PRKCA: variants seen among roughly 807,000 people sequenced by gnomAD.
PRKCA encodes the protein protein kinase C alpha type.
In PRKCA, 27 loss-of-function variants were observed where a neutral mutation model predicts 87.0. That is an observed-to-expected ratio of 0.31 (90% CI 0.23 to 0.43). PRKCA has a LOEUF of 0.43. Ranked by LOEUF, PRKCA falls within the 20% of genes least tolerant of loss-of-function variation. The probability of loss-of-function intolerance (pLI) is 1.00; values close to 1 mark genes in which losing one functional copy is unlikely to be tolerated. For synonymous variants in PRKCA, 329 were observed against 311.1 expected (o/e 1.06, Z -0.61); for missense variants, 518 against 852.3 (o/e 0.61, Z 4.88).
intron 5 of PRKCA, among the ~76,000 whole-genome samples, chr17:66,660,552 C>T (rs1005042929): frequency 6.6e-6 from 1 of 152,014 alleles, no homozygotes; most frequent in African/African-American, 2.4e-5. Context: ...ATAAAAACCA[C>T]GGCTCAGGGA....
chr17:66,459,206 C>CAA (rs35784459), intron 2 of PRKCA, among the ~76,000 whole-genome samples: 1,950 of 129,592 alleles, frequency 0.015, 20 homozygotes, highest in Non-Finnish European at 0.018. Flanking sequence ...ATCCCTGTCT[C>CAA]AAAAAAAAAA....
intron 3 of PRKCA, among the ~76,000 whole-genome samples, chr17:66,590,838 A>C (rs1969781505): frequency 6.6e-6 from 1 of 152,126 alleles, no homozygotes; most frequent in Non-Finnish European, 1.5e-5. Flanking sequence ...CAACGGAGCA[A>C]GACTCCGTCT....
intron 2 of PRKCA, among the ~76,000 whole-genome samples, chr17:66,488,838 T>A (rs188667485): frequency 3.9e-5 from 6 of 152,336 alleles, no homozygotes; most frequent in Admixed American, 2.6e-4. Flanking sequence ...TTTGTTTTCA[T>A]ACAACTTTTA....
chr17:66,642,152 C>T (rs974192726), intron 4 of PRKCA, among the ~76,000 whole-genome samples: 8 of 150,856 alleles, frequency 5.3e-5, no homozygotes, highest in Admixed American at 2.6e-4. Context: ...TTTTTGGAGA[C>T]GGAGTCTCAC....
chr17:66,429,144 A>G (rs1385979583), intron 2 of PRKCA, among the ~76,000 whole-genome samples: 1 of 152,112 alleles, frequency 6.6e-6, no homozygotes, highest in East Asian at 1.9e-4. Context: ...TTGTTCAGCT[A>G]AAATCTGACA....
chr17:66,654,763 G>A (rs555710888), intron 5 of PRKCA, among the ~76,000 whole-genome samples: 1 of 152,354 alleles, frequency 6.6e-6, no homozygotes, highest in East Asian at 1.9e-4. Context: ...CGCAGACCCT[G>A]CATTTTCCAG....
intron 5 of PRKCA, among the ~76,000 whole-genome samples, chr17:66,647,379 G>A (rs1479206667): frequency 6.6e-6 from 1 of 152,174 alleles, no homozygotes; most frequent in Non-Finnish European, 1.5e-5. Flanking sequence ...CATCACAGGT[G>A]AATATTCAGT....
intron 2 of PRKCA, among the ~76,000 whole-genome samples, chr17:66,336,553 A>G (rs1045367046): frequency 4.3e-4 from 57 of 133,858 alleles, no homozygotes; most frequent in Admixed American, 1.7e-3. Context: ...TTGGCTATTC[A>G]TTGTGCTTTG....
At chr17:66,602,549 G>A (rs1008141452) in intron 3 of PRKCA, among the ~76,000 whole-genome samples, 18 of 152,190 alleles carry the variant, frequency 1.2e-4, no homozygotes, top group Non-Finnish European at 2.5e-4. Flanking sequence ...CACGCTGGGA[G>A]CTGTAGACCG....
intron 3 of PRKCA, among the ~76,000 whole-genome samples, chr17:66,570,465 A>T (rs572528793): frequency 2.1e-4 from 32 of 152,320 alleles, no homozygotes; most frequent in African/African-American, 7.7e-4. Flanking sequence ...AAATTTCTTT[A>T]AAAATTTTTA....
chr17:66,706,869 C>G (rs186492260), intron 8 of PRKCA, among the ~76,000 whole-genome samples: 7 of 152,248 alleles, frequency 4.6e-5, no homozygotes, highest in Admixed American at 2.0e-4. Flanking sequence ...AAATGTATGC[C>G]CTCTGGTCCT....
At position 66,686,663 on chromosome 17, in the gene PRKCA, C is replaced by T. The variant is rs544489725; in HGVS notation, c.530-448C>T. Among the ~76,000 whole-genome samples, 8 of 152,190 alleles carry T rather than the reference C, an allele frequency of 5.3e-5. No homozygotes were observed. The South Asian group carries it at 1.7e-3, about 32-fold the overall frequency. ...CTTTACCCACAAAAAGGGATAACACCTTCTGGGAGCTCAGGTGCGTGTGTG... is the reference window on the plus strand; with the variant it reads ...CTTTACCCACAAAAAGGGATAACACTTTCTGGGAGCTCAGGTGCGTGTGTG... On this transcript the variant is annotated intron_variant, in intron 5 of 16. Coordinates refer to ENST00000413366, the MANE Select transcript of PRKCA (RefSeq NM_002737.3).
chr17:66,690,392 A>G (rs1283250880), intron 8 of PRKCA, among the ~76,000 whole-genome samples: 1 of 152,148 alleles, frequency 6.6e-6, no homozygotes, highest in East Asian at 1.9e-4. Context: ...GGTGGCAGCT[A>G]CGGCTACCCT....
chr17:66,502,929 G>A (rs952253977), intron 3 of PRKCA, among the ~76,000 whole-genome samples: 1 of 152,208 alleles, frequency 6.6e-6, no homozygotes, highest in African/African-American at 2.4e-5. Context: ...AAAGTGCTGG[G>A]ATTACAGGCA....
Position 66,475,919 on chromosome 17 carries a change from T to A in PRKCA, c.206-20282T>A, listed in dbSNP as rs144433395. Among the ~76,000 whole-genome samples, 885 of 152,236 alleles carry A rather than the reference T, an allele frequency of 5.8e-3. 38 individuals are homozygous for A. The highest frequency in any genetic ancestry group is 0.054 in the Admixed American group (818 of 15,284). On this transcript the variant is annotated intron_variant, in intron 2 of 16. Transcript: ENST00000413366. The stretch of plus-strand genomic sequence containing the variant: ...ATTTTTTAGTTTTTATTTTTTGAGA[T>A]GGAGTCTTGCTCTGTCGCCCAGGCT...
chr17:66,690,816 A>T (rs1199417465), intron 8 of PRKCA, among the ~76,000 whole-genome samples: 1 of 143,440 alleles, frequency 7.0e-6, no homozygotes, highest in Admixed American at 7.0e-5. Flanking sequence ...CAACAGAGCA[A>T]GACTCTGTCT....
chr17:66,798,470 G>A (rs12940070), intron 16 of PRKCA, among the ~76,000 whole-genome samples: 115 of 43,192 alleles, frequency 2.7e-3, no homozygotes, highest in East Asian at 4.1e-3. Context: ...GGTGGTGGTG[G>A]TGGTGGTGGT....
chr17:66,323,845 C>A (rs1166851205), intron 2 of PRKCA, among the ~76,000 whole-genome samples: 1 of 152,064 alleles, frequency 6.6e-6, no homozygotes, highest in Non-Finnish European at 1.5e-5. Context: ...GAGGCTGAGA[C>A]AGAATGGCTT....
At chr17:66,341,297 T>C (rs1423744556) in intron 2 of PRKCA, among the ~76,000 whole-genome samples, 1 of 152,220 alleles carries the variant, frequency 6.6e-6, no homozygotes, top group African/African-American at 2.4e-5. Context: ...CTCTTCAAAA[T>C]CAGTTTCATT....
Sources: gnomAD v4.1 joint callset for allele counts (sites outside exome capture counted in the v4.1 genomes callset) on GRCh38, gnomAD v4.1.1 for gene constraint, MANE v1.5 for transcripts, NCBI Gene and HGNC (gene_info 2026-07-23, HGNC 2026-07-21) for gene names.